Variants in NRG3 observed in about 807,000 individuals in gnomAD.
The protein encoded by NRG3 is neuregulin 3, also known as pro-neuregulin-3, membrane-bound isoform.
NRG3 carries 31 observed loss-of-function variants against 66.9 expected under a neutral mutation model. That is an observed-to-expected ratio of 0.46 (90% CI 0.35 to 0.63). The LOEUF (loss-of-function observed/expected upper bound fraction) is 0.63, where lower values mean the gene tolerates loss of function less well. NRG3 is among the 20% of genes least tolerant of loss of function. The pLI, the probability that NRG3 is intolerant of heterozygous loss-of-function variation, is 0.00. For synonymous variants in NRG3, 393 were observed against 359.4 expected (o/e 1.09, Z -1.06); for missense variants, 910 against 878.9 (o/e 1.04, Z -0.45).
intron 1 of NRG3, among the ~76,000 whole-genome samples, chr10:82,054,426 T>C (rs1196118006): frequency 6.6e-6 from 1 of 152,178 alleles, no homozygotes; most frequent in Admixed American, 6.5e-5. Context: ...CATAAAAGAC[T>C]AAGTGGAAGA....
At chr10:82,744,965 C>T (rs1440660441) in intron 3 of NRG3, among the ~76,000 whole-genome samples, 3 of 152,114 alleles carry the variant, frequency 2.0e-5, no homozygotes, top group Non-Finnish European at 4.4e-5. Context: ...GGCACTGAGA[C>T]AGGTGCTACT....
At chr10:82,930,903 A>T (rs192304563) in intron 4 of NRG3, among the ~76,000 whole-genome samples, 1 of 152,302 alleles carries the variant, frequency 6.6e-6, no homozygotes, top group East Asian at 1.9e-4. Context: ...TGACATGCTT[A>T]TAGTTTGGTG....
chr10:82,044,999 C>G (rs1188009941), intron 1 of NRG3, among the ~76,000 whole-genome samples: 1 of 151,512 alleles, frequency 6.6e-6, no homozygotes, highest in Non-Finnish European at 1.5e-5. Context: ...CAAGTCTTTG[C>G]TATTGTGAAT....
At chr10:82,543,323 A>G (rs909525427) in intron 2 of NRG3, among the ~76,000 whole-genome samples, 35 of 152,316 alleles carry the variant, frequency 2.3e-4, no homozygotes, top group African/African-American at 6.7e-4. Flanking sequence ...AAATAATGCA[A>G]TAAAACATTC....
chr10:82,924,524 T>G (rs1846785435), intron 4 of NRG3, among the ~76,000 whole-genome samples: 1 of 151,712 alleles, frequency 6.6e-6, no homozygotes, highest in African/African-American at 2.4e-5. Context: ...TGTTTGGTTT[T>G]GCCCATATCT....
chr10:82,356,681 G>T (rs577045676), intron 1 of NRG3, among the ~76,000 whole-genome samples: 1 of 152,300 alleles, frequency 6.6e-6, no homozygotes, highest in African/African-American at 2.4e-5. Context: ...GTTTATTTCA[G>T]TGCTCGTGGA....
chr10:81,944,035 G>C (rs1044621063), intron 1 of NRG3, among the ~76,000 whole-genome samples: 5 of 152,168 alleles, frequency 3.3e-5, no homozygotes, highest in Admixed American at 2.0e-4. Context: ...GGACAGGAGA[G>C]GGAAGGAGAA....
At chr10:82,782,458 A>G (rs61863593) in intron 3 of NRG3, among the ~76,000 whole-genome samples, 1 of 151,948 alleles carries the variant, frequency 6.6e-6, no homozygotes, top group African/African-American at 2.4e-5. Flanking sequence ...ATAAATATTT[A>G]TTTATATTTA....
intron 2 of NRG3, among the ~76,000 whole-genome samples, chr10:82,404,250 G>A (rs1033886300): frequency 2.0e-5 from 3 of 152,190 alleles, no homozygotes; most frequent in East Asian, 1.9e-4. Flanking sequence ...TCACCCCTTC[G>A]GGATGGTTTT....
intron 3 of NRG3, among the ~76,000 whole-genome samples, chr10:82,742,974 G>A (rs1484882261): frequency 6.6e-6 from 1 of 152,118 alleles, no homozygotes; most frequent in Admixed American, 6.5e-5. Context: ...CCAGCCAATG[G>A]AAGCATGGGG....
At chr10:82,966,697 A>T (rs183033713) in intron 6 of NRG3, among the ~76,000 whole-genome samples, 7 of 152,254 alleles carry the variant, frequency 4.6e-5, no homozygotes, top group Non-Finnish European at 1.0e-4. Flanking sequence ...TTGGGATTCT[A>T]TCACAAAGGG....
chr10:82,878,837 A>G (rs1204091732), intron 4 of NRG3, among the ~76,000 whole-genome samples: 3 of 152,182 alleles, frequency 2.0e-5, no homozygotes, highest in Non-Finnish European at 4.4e-5. Context: ...AATGAAATCT[A>G]GGCACTATCT....
At chr10:81,986,663 G>C (rs2060529608) in intron 1 of NRG3, among the ~76,000 whole-genome samples, 1 of 152,076 alleles carries the variant, frequency 6.6e-6, no homozygotes, top group Non-Finnish European at 1.5e-5. Context: ...TAAATTCATT[G>C]GCACAATGTC....
At chr10:82,273,374 C>T (rs554799598) in intron 1 of NRG3, among the ~76,000 whole-genome samples, 1 of 152,084 alleles carries the variant, frequency 6.6e-6, no homozygotes, top group East Asian at 1.9e-4. Context: ...ATGTTTTATT[C>T]ATACTTTGTG....
intron 1 of NRG3, among the ~76,000 whole-genome samples, chr10:81,950,041 C>G (rs985278042): frequency 1.3e-5 from 2 of 152,154 alleles, no homozygotes; most frequent in Non-Finnish European, 2.9e-5. Context: ...TGCTCGAAGA[C>G]CAACTCTTGA....
chr10:81,916,210 G>T (rs1845691903), intron 1 of NRG3, among the ~76,000 whole-genome samples: 1 of 152,054 alleles, frequency 6.6e-6, no homozygotes, highest in South Asian at 2.1e-4. Context: ...GACAGTGCAG[G>T]TTTATTCCTT....
chr10:82,850,637 T>A (rs1351471943), intron 3 of NRG3, among the ~76,000 whole-genome samples: 1 of 152,148 alleles, frequency 6.6e-6, no homozygotes, highest in Non-Finnish European at 1.5e-5. Flanking sequence ...GAAAAATTAT[T>A]TGCATCTAGC....
intron 3 of NRG3, among the ~76,000 whole-genome samples, chr10:82,757,379 G>A (rs2059122618): frequency 6.6e-6 from 1 of 152,096 alleles, no homozygotes; most frequent in South Asian, 2.1e-4. Flanking sequence ...TTATCAGACA[G>A]TGATAAGGTA....
intron 2 of NRG3, among the ~76,000 whole-genome samples, chr10:82,488,482 T>C (rs1842854613): frequency 1.3e-5 from 2 of 152,232 alleles, no homozygotes; most frequent in African/African-American, 2.4e-5. Flanking sequence ...TTTGTTTTTA[T>C]CACACAGCTC....
Sources: allele counts gnomAD v4.1 joint callset (sites outside exome capture counted in the v4.1 genomes callset), GRCh38; gene constraint gnomAD v4.1.1; transcripts MANE v1.5; gene names NCBI Gene and HGNC (gene_info 2026-07-23, HGNC 2026-07-21).